Variants in SLCO3A1 observed in about 807,000 individuals in gnomAD.
The protein encoded by SLCO3A1 is PGE1 transporter.
Under a neutral mutation model 63.1 loss-of-function variants are expected in SLCO3A1, and 27 were observed. The observed-to-expected ratio is 0.43, with a 90% CI of 0.32 to 0.59. The LOEUF (loss-of-function observed/expected upper bound fraction) is 0.59. SLCO3A1 is among the 20% of genes least tolerant of loss of function. SLCO3A1 has a pLI of 0.09. For synonymous variants in SLCO3A1, 473 were observed against 409.9 expected (o/e 1.15, Z -1.86); for missense variants, 773 against 945.8 (o/e 0.82, Z 2.40).
intron 2 of SLCO3A1, among the ~76,000 whole-genome samples, chr15:92,089,342 A>T (rs1056441508): frequency 6.6e-6 from 1 of 152,150 alleles, no homozygotes; most frequent in Non-Finnish European, 1.5e-5. Flanking sequence ...GCTTTATTAA[A>T]GTTCATCTGA....
chr15:91,981,329 G>A (rs1597184432), intron 2 of SLCO3A1, among the ~76,000 whole-genome samples: 1 of 152,124 alleles, frequency 6.6e-6, no homozygotes, highest in African/African-American at 2.4e-5. Context: ...GGACATCATC[G>A]CTGGGCAAAG....
intron 2 of SLCO3A1, among the ~76,000 whole-genome samples, chr15:91,933,424 T>C (rs1270960227): frequency 6.6e-6 from 1 of 152,216 alleles, no homozygotes; most frequent in Non-Finnish European, 1.5e-5. Flanking sequence ...GGATTTTATC[T>C]TTCTGTTTTA....
chr15:92,020,059 A>C (rs979565366), intron 2 of SLCO3A1, among the ~76,000 whole-genome samples: 10 of 152,140 alleles, frequency 6.6e-5, no homozygotes, highest in Non-Finnish European at 1.0e-4. Context: ...TCTTCCCCTG[A>C]ATGTGATCCA....
intron 7 of SLCO3A1, among the ~76,000 whole-genome samples, chr15:92,139,307 T>C (rs2048097947): frequency 6.7e-6 from 1 of 148,494 alleles, no homozygotes. Flanking sequence ...GAACCAGCCT[T>C]GCATCCCAGG....
At position 92,163,889 on chromosome 15, in the gene SLCO3A1, G is replaced by A. The variant is rs745519990; in HGVS notation, c.*754G>A. 30 of 985,502 alleles carry A rather than the reference G, an allele frequency of 3.0e-5. No homozygotes were observed. The highest frequency in any genetic ancestry group is 9.4e-5 in the South Asian group (2 of 21,296). 61.0% of individuals were successfully genotyped at this position (985,502 alleles called of 1,614,324 possible). A position where few individuals can be genotyped will look rare whatever the true frequency, so the allele number is the denominator to read the frequency against. Reference sequence around the variant, plus strand: ...TGGGGGGCCAGCACCTCCCAGTGGCGGGCATCCACCTTCCCCCAGCCCCAC... The same window carrying A: ...TGGGGGGCCAGCACCTCCCAGTGGCAGGCATCCACCTTCCCCCAGCCCCAC... On this transcript the variant is annotated 3_prime_UTR_variant, in exon 10 of 10. Coordinates refer to ENST00000318445, the MANE Select transcript of SLCO3A1 (RefSeq NM_013272.4).
intron 1 of SLCO3A1, among the ~76,000 whole-genome samples, chr15:91,855,044 T>G (rs929404308): frequency 3.9e-5 from 6 of 152,110 alleles, no homozygotes; most frequent in African/African-American, 1.4e-4. Flanking sequence ...TTTTGAGAGT[T>G]TATAGTGTTA....
intron 2 of SLCO3A1, among the ~76,000 whole-genome samples, chr15:91,955,036 C>T (rs557601892): frequency 1.1e-4 from 16 of 152,256 alleles, no homozygotes; most frequent in African/African-American, 3.6e-4. Flanking sequence ...CGTCCTCTGC[C>T]TCCTATTGTA....
At chr15:91,855,397 T>A (rs1896892524) in intron 1 of SLCO3A1, among the ~76,000 whole-genome samples, 1 of 152,198 alleles carries the variant, frequency 6.6e-6, no homozygotes, top group South Asian at 2.1e-4. Flanking sequence ...GCTCTGTTCC[T>A]GGGGTGACAG....
intron 2 of SLCO3A1, among the ~76,000 whole-genome samples, chr15:92,081,819 A>G (rs2047350030): frequency 6.6e-6 from 1 of 152,234 alleles, no homozygotes; most frequent in African/African-American, 2.4e-5. Flanking sequence ...GACCAGCTTC[A>G]TCACAATCTC....
intron 10 of SLCO3A1, chr15:92,171,566 A>G: frequency 1.9e-6 from 1 of 521,184 alleles, no homozygotes; most frequent in Admixed American, 3.3e-5. Flanking sequence ...CTTCCCAGAA[A>G]GGATATTTGG....
chr15:91,957,950 A>G (rs1035745855), intron 2 of SLCO3A1, among the ~76,000 whole-genome samples: 2 of 152,162 alleles, frequency 1.3e-5, no homozygotes, highest in African/African-American at 4.8e-5. Context: ...AATGAAAGGG[A>G]ACGACTGAGT....
At chr15:91,944,732 G>T (rs1899743291) in intron 2 of SLCO3A1, among the ~76,000 whole-genome samples, 1 of 151,914 alleles carries the variant, frequency 6.6e-6, no homozygotes, top group African/African-American at 2.4e-5. Flanking sequence ...AGTCTTTCAC[G>T]AAGGAATGTG....
At chr15:92,097,656 G>C (rs1030715022) in intron 3 of SLCO3A1, among the ~76,000 whole-genome samples, 2 of 152,312 alleles carry the variant, frequency 1.3e-5, no homozygotes, top group African/African-American at 2.4e-5. Flanking sequence ...AGTTGATAGC[G>C]GACTTCCCTT....
Position 91,860,801 on chromosome 15 carries a change from T to C in SLCO3A1, c.180+6713T>C, listed in dbSNP as rs910544513. Among the ~76,000 whole-genome samples the C allele has an allele frequency of 4.1e-4, 62 of 152,228 alleles. No individual in the cohort carries two copies. The highest frequency in any genetic ancestry group is 1.5e-3 in the African/African-American group (61 of 41,474). On this transcript the variant is annotated intron_variant, in intron 1 of 9. Transcript: ENST00000318445. The surrounding 1 kb of genome is among the most constrained non-coding windows in gnomAD (Gnocchi z 5.5). ...CGTCTTGTCTGCTGCCTTCACCTCG[T>C]GTTCTCTTGCAGTATTAAGTGGACT...
At chr15:92,105,776 G>A (rs1050295598) in intron 4 of SLCO3A1, among the ~76,000 whole-genome samples, 1 of 152,188 alleles carries the variant, frequency 6.6e-6, no homozygotes, top group Non-Finnish European at 1.5e-5. Context: ...AAGGGAGATG[G>A]TCAGTCCCCT....
chr15:91,963,391 G>T (rs1900525095), intron 2 of SLCO3A1, among the ~76,000 whole-genome samples: 1 of 124,142 alleles, frequency 8.1e-6, no homozygotes, highest in African/African-American at 3.0e-5. Context: ...TCTCGTGAGG[G>T]TTTAACTCGG....
At chr15:92,029,758 G>T (rs1333908066) in intron 2 of SLCO3A1, among the ~76,000 whole-genome samples, 1 of 143,310 alleles carries the variant, frequency 7.0e-6, no homozygotes, top group Admixed American at 7.5e-5. Context: ...AAGGTGAATG[G>T]CCTCTGGCCC....
chr15:91,858,979 C>G (rs1896988899), intron 1 of SLCO3A1, among the ~76,000 whole-genome samples: 1 of 152,248 alleles, frequency 6.6e-6, no homozygotes, highest in Non-Finnish European at 1.5e-5. Flanking sequence ...TTAGTTCCAA[C>G]TCGCGCAGAT....
rs755460636 is a variant in SLCO3A1, at chr15:92,150,941, T to G, written c.1689-9T>G. ...GGTTTTTTTTTTCTCTTCATCTCTT[T>G]GCACGTAGGACAGTCAGCCCTGAAC... On this transcript the variant is annotated splice_polypyrimidine_tract_variant and intron_variant, in intron 8 of 9. Transcript: ENST00000318445. The G allele has an allele frequency of 1.2e-6, 2 of 1,601,520 alleles. No individual in the cohort carries two copies. The highest frequency in any genetic ancestry group is 1.7e-6 in the Non-Finnish European group (2 of 1,175,762).
Sources: gnomAD v4.1 joint callset for allele counts (sites outside exome capture counted in the v4.1 genomes callset) on GRCh38, gnomAD v4.1.1 for gene constraint, Gnocchi (gnomAD v3.1) non-coding constraint, MANE v1.5 for transcripts, NCBI Gene and HGNC (gene_info 2026-07-23, HGNC 2026-07-21) for gene names.